ZFPM2: variants seen among roughly 807,000 people sequenced by gnomAD.
ZFPM2 encodes the protein zinc finger protein, FOG family member 2.
In ZFPM2, 20 loss-of-function variants were observed where a neutral mutation model predicts 98.6. The ratio of observed to expected loss-of-function variants is 0.20; its 90% CI spans 0.14 to 0.29. The LOEUF (loss-of-function observed/expected upper bound fraction) is 0.29, where lower values mean the gene tolerates loss of function less well. Ranked by LOEUF, ZFPM2 falls within the 10% of genes least tolerant of loss-of-function variation. ZFPM2 has a pLI of 1.00. For missense variants in ZFPM2, 1,310 were observed against 1,388.6 expected (o/e 0.94, Z 0.90); for synonymous variants, 518 against 502.7 (o/e 1.03, Z -0.41).
intron 1 of ZFPM2, chr8:105,418,607 T>C (rs1811729510): frequency 7.7e-6 from 4 of 518,536 alleles, no homozygotes; most frequent in South Asian, 4.2e-5. Context: ...GAGAGAAATA[T>C]GTAATTTTTC....
chr8:105,638,281 C>T (rs1230840274), intron 5 of ZFPM2, among the ~76,000 whole-genome samples: 1 of 151,960 alleles, frequency 6.6e-6, no homozygotes, highest in African/African-American at 2.4e-5. Context: ...AGCCTGGGGC[C>T]TAAAAGTAAA....
chr8:105,787,987 G>C (rs1813472125), intron 5 of ZFPM2, among the ~76,000 whole-genome samples: 1 of 152,180 alleles, frequency 6.6e-6, no homozygotes, highest in African/African-American at 2.4e-5. Flanking sequence ...AGTGTTTGAA[G>C]AGACATTTCT....
At chr8:105,679,240 G>A (rs1189424188) in intron 5 of ZFPM2, among the ~76,000 whole-genome samples, 1 of 152,158 alleles carries the variant, frequency 6.6e-6, no homozygotes, top group Non-Finnish European at 1.5e-5. Context: ...TCTCTTTAAA[G>A]TAGGATGATT....
chr8:105,643,740 T>C (rs777516169), intron 5 of ZFPM2, among the ~76,000 whole-genome samples: 7 of 152,142 alleles, frequency 4.6e-5, no homozygotes, highest in Non-Finnish European at 1.0e-4. Flanking sequence ...AAGGTACTAT[T>C]TCAGACTTCT....
At chr8:105,362,182 C>T (rs1414187495) in intron 1 of ZFPM2, among the ~76,000 whole-genome samples, 4 of 152,052 alleles carry the variant, frequency 2.6e-5, no homozygotes, top group Non-Finnish European at 5.9e-5. Flanking sequence ...TCAATTATAA[C>T]TTTCAAGTCA....
intron 3 of ZFPM2, among the ~76,000 whole-genome samples, chr8:105,528,646 CA>C (rs1467195200): frequency 1.3e-5 from 2 of 151,952 alleles, no homozygotes; most frequent in African/African-American, 4.8e-5. Flanking sequence ...GTCACAAAAG[CA>C]AGTATTCATG....
intron 3 of ZFPM2, among the ~76,000 whole-genome samples, chr8:105,469,410 C>G (rs1812855298): frequency 1.3e-5 from 2 of 152,084 alleles, no homozygotes; most frequent in Admixed American, 1.3e-4. Flanking sequence ...CTTTTTATGA[C>G]TGCGTCTTCC....
At chr8:105,549,449 G>A (rs1419443769) in intron 3 of ZFPM2, among the ~76,000 whole-genome samples, 1 of 151,592 alleles carries the variant, frequency 6.6e-6, no homozygotes, top group African/African-American at 2.4e-5. Context: ...TCGTTTTGGT[G>A]TCCTTTACAC....
chr8:105,673,186 G>GTTTTTTTTTTTTTTTTTTTT (rs1817626808), intron 5 of ZFPM2, among the ~76,000 whole-genome samples: 1 of 63,536 alleles, frequency 1.6e-5, no homozygotes, highest in Admixed American at 1.9e-4. Flanking sequence ...CAAATAGCAT[G>GTTTTTTTTTTTTTTTTTTTT]CTTTTTTTTT....
chr8:105,407,600 A>G (rs1383591), intron 1 of ZFPM2, among the ~76,000 whole-genome samples: 51,262 of 151,742 alleles, frequency 0.34, 10,752 homozygotes, highest in African/African-American at 0.6. Flanking sequence ...GTAAGTCCTG[A>G]CAAATCTAAT....
At chr8:105,508,912 A>G (rs1813758233) in intron 3 of ZFPM2, among the ~76,000 whole-genome samples, 1 of 150,334 alleles carries the variant, frequency 6.7e-6, no homozygotes, top group Admixed American at 6.7e-5. Context: ...AAGCTGCTTG[A>G]GTGTGTTTAG....
At chr8:105,488,513 G>A (rs1277143682) in intron 3 of ZFPM2, among the ~76,000 whole-genome samples, 1 of 152,128 alleles carries the variant, frequency 6.6e-6, no homozygotes, top group East Asian at 1.9e-4. Flanking sequence ...TGTAATCCCA[G>A]CACTTTGGGA....
rs369135771 is a variant in ZFPM2 at position 105,579,159 on chromosome 8, TGTA to T, written c.420+17682_420+17684del. Among the ~76,000 whole-genome samples, 523 of 149,920 alleles carry T rather than the reference TGTA, an allele frequency of 3.5e-3. 3 individuals carry two copies. The highest frequency in any genetic ancestry group is 0.012 in the African/African-American group (487 of 41,016). Reference sequence around the variant, plus strand: ...AACGACTATATTTTTGTCAAATTCTTGTAGTAAACTGCATTGCCTGATACAGTA... The same window carrying T: ...AACGACTATATTTTTGTCAAATTCTTGTAAACTGCATTGCCTGATACAGTA... On this transcript the variant is annotated intron_variant, in intron 4 of 7. Coordinates refer to ENST00000407775, the MANE Select transcript of ZFPM2 (RefSeq NM_012082.4).
Position 105,540,079 on chromosome 8 carries a change from C to A in ZFPM2, c.302-21284C>A, listed in dbSNP as rs114846997. Among the ~76,000 whole-genome samples the A allele has an allele frequency of 2.1e-3, 313 of 152,174 alleles. 1 individual carries two copies. Among genetic ancestry groups the A allele is most frequent in the African/African-American group, 7.1e-3 (296 of 41,536 alleles). The stretch of plus-strand genomic sequence containing the variant: ...TTTTTCTTTCTTACTCTTGCTTTCT[C>A]AATCTTTATCTCTCTCCCCATCTCT... On this transcript the variant is annotated intron_variant, in intron 3 of 7. Coordinates refer to ENST00000407775, the MANE Select transcript of ZFPM2 (RefSeq NM_012082.4).
At chr8:105,793,906 G>A (rs1003728227) in intron 6 of ZFPM2, among the ~76,000 whole-genome samples, 4 of 151,792 alleles carry the variant, frequency 2.6e-5, no homozygotes, top group African/African-American at 4.9e-5. Flanking sequence ...CGTAGTTCTC[G>A]AGCCTTGGCT....
intron 1 of ZFPM2, among the ~76,000 whole-genome samples, chr8:105,374,745 G>C (rs1038834643): frequency 4.6e-5 from 7 of 152,156 alleles, no homozygotes; most frequent in African/African-American, 1.7e-4. Flanking sequence ...ACAAGCATAG[G>C]AACATAGGGC....
chr8:105,464,977 CT>C (rs1479264040), intron 3 of ZFPM2, among the ~76,000 whole-genome samples: 2 of 146,032 alleles, frequency 1.4e-5, no homozygotes, highest in African/African-American at 5.1e-5. Flanking sequence ...TCTAACCTTT[CT>C]TTTGGAGGGT....
At chr8:105,472,505 T>C (rs1022033290) in intron 3 of ZFPM2, among the ~76,000 whole-genome samples, 2 of 152,218 alleles carry the variant, frequency 1.3e-5, no homozygotes, top group Admixed American at 6.5e-5. Context: ...TTGTTTTGTT[T>C]TGTTTTGTGT....
At chr8:105,484,578 C>T (rs1323978518) in intron 3 of ZFPM2, among the ~76,000 whole-genome samples, 1 of 152,090 alleles carries the variant, frequency 6.6e-6, no homozygotes. Flanking sequence ...TTCATTTACT[C>T]ATTGAGTTAC....
Sources: allele counts gnomAD v4.1 joint callset (sites outside exome capture counted in the v4.1 genomes callset), GRCh38; gene constraint gnomAD v4.1.1; transcripts MANE v1.5; gene names NCBI Gene and HGNC (gene_info 2026-07-23, HGNC 2026-07-21).